ABCF1: variants seen among roughly 807,000 people sequenced by gnomAD.
ABCF1 encodes ATP-binding cassette sub-family F member 1.
A neutral mutation model predicts 126.3 loss-of-function variants in ABCF1; 73 were observed. The observed-to-expected ratio is 0.58, with a 90% CI of 0.48 to 0.70. The LOEUF (loss-of-function observed/expected upper bound fraction) is 0.70, where lower values mean the gene tolerates loss of function less well. Ranked by LOEUF, ABCF1 falls within the 30% of genes least tolerant of loss-of-function variation. The pLI, the probability that ABCF1 is intolerant of heterozygous loss-of-function variation, is 0.00. For missense variants in ABCF1, 786 were observed against 1,057.5 expected (o/e 0.74, Z 3.56); for synonymous variants, 345 against 396.4 (o/e 0.87, Z 1.54).
chr6:30,573,487 C>A (rs940144000), intron 1 of ABCF1, among the ~76,000 whole-genome samples: 2 of 152,078 alleles, frequency 1.3e-5, no homozygotes, highest in South Asian at 4.1e-4. Flanking sequence ...ATGGAAGAGT[C>A]CCCTAGAGAG....
chr6:30,589,197 C>A (rs1289631480), intron 20 of ABCF1, among the ~76,000 whole-genome samples: 1 of 152,042 alleles, frequency 6.6e-6, no homozygotes, highest in Non-Finnish European at 1.5e-5. Flanking sequence ...CAGGGTTTCA[C>A]AATGTTGGCC....
Position 30,584,032 on chromosome 6 carries a change from G to T in ABCF1, c.1102+142G>T. The T allele has an allele frequency of 7.2e-7, 1 of 1,387,390 alleles. No individual in the cohort carries two copies. The highest frequency in any genetic ancestry group is 1.3e-5 in the South Asian group (1 of 77,566). 85.9% of individuals were successfully genotyped at this position (1,387,390 alleles called of 1,614,324 possible). On this transcript the variant is annotated intron_variant, in intron 12 of 24. Transcript: ENST00000326195. This position sits in a 1 kb window ranked among gnomAD's most constrained non-coding sequence, Gnocchi z 4.6. ...TGGAGACCGGGAAAGGGATGCTAAG[G>T]AAAGGAGGGGAGGGTCAATGAGGAA...
chr6:30,578,082 A>G lies in ABCF1; in HGVS notation c.223A>G (p.Lys75Glu). 6.2e-7 allele frequency: 1 copy of G among 1,614,130 alleles called. No individual in the cohort carries two copies. The highest frequency in any genetic ancestry group is 8.5e-7 in the Non-Finnish European group (1 of 1,180,020). ...GTTCTTTTGCTCTCAGCAGCAAAAA[A>G]AAAAGCGAGATACCCGAAAAGGCAG... ...QQQQQQQQQK[K>E]KRDTRKGRRK... The change falls in exon 4 of 25, where the codon AAA becomes GAA. Residue 75 changes from lysine to glutamate, a missense_variant. Around this residue, in one of 4 missense-constraint regions of ABCF1, gnomAD observed 322 missense variants for 322.9 expected, o/e 1.00. Transcript: ENST00000326195.
At position 30,583,246 on chromosome 6, in the gene ABCF1, A is replaced by C; in HGVS notation, c.915+58A>C. ...TACCTAGGGAAGAGCCAGTTCTCTC[A>C]TCTTCCCTGAGTGGCTGTGGTGTGT... On this transcript the variant is annotated intron_variant, in intron 10 of 24. Transcript: ENST00000326195. The surrounding 1 kb of genome is among the most constrained non-coding windows in gnomAD (Gnocchi z 4.1). 6.4e-7 allele frequency: 1 copy of C among 1,559,990 alleles called. No homozygotes were observed. Among genetic ancestry groups the C allele is most frequent in the Non-Finnish European group, 8.7e-7 (1 of 1,146,832 alleles).
chr6:30,578,829 A>G (rs1363704935), intron 6 of ABCF1, among the ~76,000 whole-genome samples: 3 of 151,972 alleles, frequency 2.0e-5, no homozygotes, highest in African/African-American at 7.3e-5. Context: ...GCGAAACCTC[A>G]TCTCTACTAA....
At position 30,584,444 on chromosome 6, in the gene ABCF1, G is replaced by T; in HGVS notation, c.1269G>T (p.Gly423=). 1 of 1,613,110 alleles carries T rather than the reference G, an allele frequency of 6.2e-7. No individual in the cohort carries two copies. Among genetic ancestry groups the T allele is most frequent in the East Asian group, 2.2e-5 (1 of 44,886 alleles). The change falls in exon 14 of 25, where the codon GGG becomes GGT. Residue 423 remains glycine (G), a synonymous_variant. Transcript: ENST00000326195. The surrounding 1 kb of genome is among the most constrained non-coding windows in gnomAD (Gnocchi z 4.6). Reference sequence around the variant, plus strand: ...TGTATGAGGAATTGCGGGCCACTGGGGCGGCAGCTGCAGAGGCCAAAGCAC... The same window carrying T: ...TGTATGAGGAATTGCGGGCCACTGGTGCGGCAGCTGCAGAGGCCAAAGCAC... ...EKVYEELRAT[G]AAAAEAKARR...
rs759353766 is a variant in ABCF1 at position 30,583,840 on chromosome 6, A to C, written c.1052A>C (p.Asn351Thr). The change falls in exon 12 of 25, where the codon AAC becomes ACC. Residue 351 changes from asparagine (N) to threonine (T), a missense_variant. Physicochemically the swap from Asn to Thr is moderately conservative, Grantham distance 65 (BLOSUM62 0). Coordinates refer to ENST00000326195, the MANE Select transcript of ABCF1 (RefSeq NM_001025091.2). The surrounding 1 kb of genome is among the most constrained non-coding windows in gnomAD (Gnocchi z 4.1). The stretch of plus-strand genomic sequence containing the variant: ...ACCACACTCCTCAAGCACATTGCCA[A>C]CCGAGCCCTGAGCATCCCTCCCAAC... ...GKTTLLKHIA[N>T]RALSIPPNID... The C allele has an allele frequency of 3.1e-6, 5 of 1,614,068 alleles. No homozygotes were observed. The African/African-American group carries it at 6.7e-5, about 22-fold the overall frequency.
intron 6 of ABCF1, among the ~76,000 whole-genome samples, chr6:30,579,454 TA>T (rs1354187463): frequency 3.4e-5 from 4 of 118,608 alleles, no homozygotes; most frequent in Non-Finnish European, 5.3e-5. Context: ...AAGTTGGAAC[TA>T]TTTTTTTTTT....
intron 16 of ABCF1, 94 bp from the exon 17 acceptor site, chr6:30,585,785 A>T: frequency 6.4e-7 from 1 of 1,566,160 alleles, no homozygotes; most frequent in Non-Finnish European, 8.7e-7. Context: ...AGAATTCCAG[A>T]CAGTGATGCC....
At position 30,585,285 on chromosome 6, in the gene ABCF1, C is replaced by T. The variant is rs550224161; in HGVS notation, c.1417C>T (p.Leu473=). Residue 473 remains leucine, a synonymous_variant, in exon 15 of 25, where the codon CTG becomes TTG. Coordinates refer to ENST00000326195, the MANE Select transcript of ABCF1 (RefSeq NM_001025091.2). ...GGCACTGTTCATGGAGCCCACACTG[C>T]TGATGCTGGATGAGCCCACCAACCA... ...ARALFMEPTL[L]MLDEPTNHLD... 3 of 1,613,618 alleles carry T rather than the reference C, an allele frequency of 1.9e-6. No individual in the cohort carries two copies. The highest frequency in any genetic ancestry group is 3.3e-5 in the Admixed American group (2 of 60,010).
In ABCF1 at chr6:30,586,812, A is replaced by T. The variant is rs566265338; in HGVS notation, c.2031+101A>T. The T allele has an allele frequency of 1.5e-3, 1,898 of 1,260,154 alleles. 22 individuals are homozygous for T. In the African/African-American group the frequency reaches 0.022, roughly 15 times the overall value. The allele number at this position is 1,260,154 out of a possible 1,614,324, so 78.1% of individuals were successfully genotyped here. A position where few individuals can be genotyped will look rare whatever the true frequency, so the allele number is the denominator to read the frequency against. On this transcript the variant is annotated intron_variant, in intron 20 of 24. Transcript: ENST00000326195. This position sits in a 1 kb window ranked among gnomAD's most constrained non-coding sequence, Gnocchi z 4.9. ...GGAGCCTCTCGAGAATGTAGAGTTA[A>T]ATACAGAACTCATGATAGATGATTC...
Position 30,585,244 on chromosome 6 carries a change from G to T in ABCF1, c.1392-16G>T. On this transcript the variant is annotated splice_polypyrimidine_tract_variant and intron_variant, in intron 14 of 24. Transcript: ENST00000326195. ...CTTTCTCTCCCTGACCCTGCCCTCT[G>T]CTACCCACCCTCTAGGGCACTGTTC... 6.2e-7 allele frequency: 1 copy of T among 1,611,242 alleles called. No individual in the cohort carries two copies. The highest frequency in any genetic ancestry group is 8.5e-7 in the Non-Finnish European group (1 of 1,178,080).
chr6:30,588,487 G>A (rs1000030264), intron 20 of ABCF1, among the ~76,000 whole-genome samples: 2 of 151,854 alleles, frequency 1.3e-5, no homozygotes, highest in Non-Finnish European at 2.9e-5. Context: ...TTAGCCTCCC[G>A]AGTAGCTGGG....
intron 1 of ABCF1, among the ~76,000 whole-genome samples, chr6:30,573,163 AG>A (rs1366088731): frequency 1.3e-5 from 2 of 152,200 alleles, no homozygotes; most frequent in Admixed American, 1.3e-4. Flanking sequence ...AGAAGTGGTA[AG>A]GGGATAAGCC....
chr6:30,587,470 A>T (rs1028519379), intron 20 of ABCF1, among the ~76,000 whole-genome samples: 1 of 152,050 alleles, frequency 6.6e-6, no homozygotes, highest in East Asian at 1.9e-4. Flanking sequence ...CCCCATCTCT[A>T]CTAAAAATAC....
Position 30,586,507 on chromosome 6 carries a change from T to A in ABCF1, c.1919T>A (p.Leu640His). 6.2e-7 allele frequency: 1 copy of A among 1,613,422 alleles called. No homozygotes were observed. The highest frequency in any genetic ancestry group is 8.5e-7 in the Non-Finnish European group (1 of 1,180,032). The change falls in exon 19 of 25, where the codon CTC becomes CAC. Residue 640 changes from leucine to histidine, a missense_variant. Physicochemically the swap from Leu to His is moderately conservative, Grantham distance 99 (BLOSUM62 -3). Around this residue, in one of 4 missense-constraint regions of ABCF1, gnomAD observed 288 missense variants for 423.5 expected, o/e 0.68. Coordinates refer to ENST00000326195, the MANE Select transcript of ABCF1 (RefSeq NM_001025091.2). The surrounding 1 kb of genome is among the most constrained non-coding windows in gnomAD (Gnocchi z 4.9). Reference sequence around the variant, plus strand: ...TTCGGCTACCAGGGACAGAAACCACTCTTTAAGAACTTGGATTTTGGCATC... The same window carrying A: ...TTCGGCTACCAGGGACAGAAACCACACTTTAAGAACTTGGATTTTGGCATC... ...VTFGYQGQKPLFKNLDFGIDM... is the reference protein window; with the variant it reads ...VTFGYQGQKPHFKNLDFGIDM...
At chr6:30,582,213 C>T (rs868199928) in intron 8 of ABCF1, among the ~76,000 whole-genome samples, 181 bp from the exon 9 acceptor site, 5 of 151,992 alleles carry the variant, frequency 3.3e-5, no homozygotes, top group African/African-American at 9.7e-5. Flanking sequence ...CCCGCCACCA[C>T]GTCCGGCTAA....
chr6:30,584,876 CTA>C lies in ABCF1; in HGVS notation c.1391+312_1391+313del, dbSNP rs1802027341. 6.6e-6 allele frequency among the ~76,000 whole-genome samples: 1 copy of C among 152,116 alleles called. No homozygotes were observed. The highest frequency in any genetic ancestry group is 6.6e-5 in the Admixed American group (1 of 15,256). On this transcript the variant is annotated intron_variant, in intron 14 of 24. Coordinates refer to ENST00000326195, the MANE Select transcript of ABCF1 (RefSeq NM_001025091.2). This position sits in a 1 kb window ranked among gnomAD's most constrained non-coding sequence, Gnocchi z 4.6. ...CCAGCCTGGGCAATATAGTGAGACT[CTA>C]TCTTCACAAAAGGGGGAAGAAAACA...
Position 30,577,888 on chromosome 6 carries a change from A to G in ABCF1, c.191A>G (p.Gln64Arg), listed in dbSNP as rs1801587156. The part of the protein sequence containing the change: ...EEEKVLKEKE[Q>R]QQQQQQQQQK... ...GAGAAAGTGCTCAAGGAGAAGGAGC[A>G]GCAGCAGCAGCAACAGCAACAGCAG... The change falls in exon 3 of 25, where the codon CAG becomes CGG. Residue 64 changes from glutamine (Q) to arginine (R), a missense_variant. Transcript: ENST00000326195. The G allele has an allele frequency of 1.2e-6, 2 of 1,613,656 alleles. No homozygotes were observed. Among genetic ancestry groups the G allele is most frequent in the African/African-American group, 1.3e-5 (1 of 74,812 alleles).
Sources: gnomAD v4.1 joint callset for allele counts (sites outside exome capture counted in the v4.1 genomes callset) on GRCh38, gnomAD v4.1.1 for gene constraint, gnomAD v4.1.1 regional missense constraint, Gnocchi (gnomAD v3.1) non-coding constraint, MANE v1.5 for transcripts, NCBI Gene and HGNC (gene_info 2026-07-23, HGNC 2026-07-21) for gene names.